Variants in LMX1A observed in about 807,000 individuals in gnomAD.
LMX1A encodes the protein LIM homeobox transcription factor 1-alpha.
Under a neutral mutation model 49.1 loss-of-function variants are expected in LMX1A, and 15 were observed. The ratio of observed to expected loss-of-function variants is 0.31; its 90% CI spans 0.20 to 0.47. The LOEUF (loss-of-function observed/expected upper bound fraction) is 0.47, where lower values mean the gene tolerates loss of function less well. LMX1A is among the 20% of genes least tolerant of loss of function. LMX1A has a pLI of 1.00. For missense variants in LMX1A, 372 were observed against 475.8 expected, an observed-to-expected ratio of 0.78 and a Z score of 2.03; for synonymous variants, 167 against 185.7, an observed-to-expected ratio of 0.90 and a Z score of 0.82.
At chr1:165,281,270 T>G (rs1159497586) in intron 3 of LMX1A, among the ~76,000 whole-genome samples, 1 of 152,214 alleles carries the variant, frequency 6.6e-6, no homozygotes. Flanking sequence ...ACTTAGTTCT[T>G]GAATTTCCTA....
At chr1:165,235,646 G>C (rs1045754765) in intron 4 of LMX1A, among the ~76,000 whole-genome samples, 2 of 152,080 alleles carry the variant, frequency 1.3e-5, no homozygotes, top group African/African-American at 4.8e-5. Flanking sequence ...GCGCGGACCC[G>C]GGACGACCTC....
intron 3 of LMX1A, among the ~76,000 whole-genome samples, chr1:165,287,651 T>C (rs1329944430): frequency 2.0e-5 from 3 of 152,194 alleles, no homozygotes; most frequent in Admixed American, 2.0e-4. Context: ...ACCAGCCCTG[T>C]GAGCCATGCT....
At chr1:165,334,723 A>G (rs750658246) in intron 3 of LMX1A, among the ~76,000 whole-genome samples, 21 of 152,186 alleles carry the variant, frequency 1.4e-4, no homozygotes, top group Non-Finnish European at 2.1e-4. Flanking sequence ...TCCTCTTTAC[A>G]CCCAGCAAGT....
intron 3 of LMX1A, among the ~76,000 whole-genome samples, chr1:165,309,182 T>C (rs982091525): frequency 1.3e-5 from 2 of 151,454 alleles, no homozygotes; most frequent in African/African-American, 4.9e-5. Context: ...GGCTCGCTCC[T>C]GGATGCTGAG....
intron 3 of LMX1A, among the ~76,000 whole-genome samples, chr1:165,335,314 A>G (rs1209798317): frequency 6.6e-6 from 1 of 152,220 alleles, no homozygotes; most frequent in African/African-American, 2.4e-5. Context: ...GCAAAAATAC[A>G]TAATGTATGC....
intron 3 of LMX1A, among the ~76,000 whole-genome samples, chr1:165,251,522 A>G (rs1653060405): frequency 6.6e-6 from 1 of 152,192 alleles, no homozygotes; most frequent in Admixed American, 6.5e-5. Flanking sequence ...CAGCAGAGGT[A>G]AGACAGAAAG....
intron 3 of LMX1A, 61 bp from the exon 4 acceptor site, chr1:165,249,701 C>T: frequency 1.5e-6 from 2 of 1,324,606 alleles, no homozygotes; most frequent in South Asian, 1.3e-5. Context: ...GGTCCTGGGT[C>T]TCCCCTGAAG....
intron 3 of LMX1A, among the ~76,000 whole-genome samples, chr1:165,263,273 A>T (rs1179185122): frequency 2.6e-5 from 4 of 152,134 alleles, no homozygotes; most frequent in Non-Finnish European, 5.9e-5. Context: ...CTTCACTTGG[A>T]TTTCTAATCA....
At chr1:165,249,323 C>T (rs757817079) in intron 4 of LMX1A, 85 bp downstream of exon 4, 2 of 921,954 alleles carry the variant, frequency 2.2e-6, no homozygotes, top group East Asian at 2.4e-5. Flanking sequence ...TGGAGGCTGG[C>T]CATCTAGGGA....
intron 3 of LMX1A, among the ~76,000 whole-genome samples, chr1:165,279,023 G>C (rs890124912): frequency 1.3e-5 from 2 of 152,178 alleles, no homozygotes; most frequent in Non-Finnish European, 2.9e-5. Context: ...CTGTTCATGG[G>C]GGCACTTTCT....
chr1:165,336,026 G>A (rs1441686772), intron 3 of LMX1A, among the ~76,000 whole-genome samples: 2 of 152,154 alleles, frequency 1.3e-5, no homozygotes, highest in African/African-American at 2.4e-5. Context: ...TAAATTATTA[G>A]TATAATTAGC....
chr1:165,210,565 G>A, intron 6 of LMX1A, 134 bp downstream of exon 6: 1 of 499,450 alleles, frequency 2.0e-6, no homozygotes, highest in East Asian at 3.3e-5. Context: ...ATTGATAACA[G>A]AATTTTTGAA....
chr1:165,208,196 G>C, intron 6 of LMX1A, 64 bp from the exon 7 acceptor site: 1 of 1,493,964 alleles, frequency 6.7e-7, no homozygotes. Flanking sequence ...CAAAGTAAGG[G>C]GGGGCCTGGA....
chr1:165,319,880 A>G (rs564563553), intron 3 of LMX1A, among the ~76,000 whole-genome samples: 86 of 152,258 alleles, frequency 5.6e-4, no homozygotes, highest in African/African-American at 1.8e-3. Context: ...TCTACTAAGC[A>G]TTTACTTAGC....
chr1:165,302,160 G>C (rs1654799571), intron 3 of LMX1A, among the ~76,000 whole-genome samples: 1 of 151,678 alleles, frequency 6.6e-6, no homozygotes, highest in South Asian at 2.1e-4. Context: ...GAATGAGGCT[G>C]GGTGTGGTGG....
chr1:165,209,010 C>T (rs565321873), intron 6 of LMX1A, among the ~76,000 whole-genome samples: 10 of 152,222 alleles, frequency 6.6e-5, no homozygotes, highest in Admixed American at 5.2e-4. Flanking sequence ...TAGGGTTCCA[C>T]GAGATGATGA....
chr1:165,323,573 C>G (rs933639582), intron 3 of LMX1A, among the ~76,000 whole-genome samples: 2 of 152,190 alleles, frequency 1.3e-5, no homozygotes, highest in East Asian at 3.9e-4. Flanking sequence ...CCAGATGCCA[C>G]GTAAAGTCAC....
At chr1:165,326,411 T>C (rs1032951754) in intron 3 of LMX1A, among the ~76,000 whole-genome samples, 6 of 152,184 alleles carry the variant, frequency 3.9e-5, no homozygotes, top group Admixed American at 2.6e-4. Context: ...ACAAATGTGT[T>C]CCTCTCTCTC....
intron 3 of LMX1A, among the ~76,000 whole-genome samples, chr1:165,336,130 A>T (rs1302772656): frequency 1.3e-5 from 2 of 152,174 alleles, no homozygotes; most frequent in African/African-American, 4.8e-5. Flanking sequence ...GCCTTTTAGA[A>T]ATAAGGAAAG....
Sources: allele counts gnomAD v4.1 joint callset (sites outside exome capture counted in the v4.1 genomes callset), GRCh38; gene constraint gnomAD v4.1.1; transcripts MANE v1.5; gene names NCBI Gene and HGNC (gene_info 2026-07-23, HGNC 2026-07-21).